The following MGAT4C variants were observed in gnomAD, a reference collection of about 807,000 sequenced individuals.
The protein encoded by MGAT4C is alpha-1,3-mannosyl-glycoprotein 4-beta-N-acetylglucosaminyltransferase C.
MGAT4C carries 19 observed loss-of-function variants against 40.1 expected under a neutral mutation model. That is an observed-to-expected ratio of 0.47 (90% confidence interval 0.33 to 0.70). The LOEUF (loss-of-function observed/expected upper bound fraction) is 0.70, where lower values mean the gene tolerates loss of function less well. Ranked by LOEUF, MGAT4C falls within the 30% of genes least tolerant of loss-of-function variation. MGAT4C has a pLI of 0.02. For synonymous variants in MGAT4C, 181 were observed against 187.1 expected (o/e 0.97, Z 0.27); for missense variants, 491 against 563.2 (o/e 0.87, Z 1.30).
intron 2 of MGAT4C, among the ~76,000 whole-genome samples, chr12:86,577,897 T>G (rs1960626530): frequency 6.6e-6 from 1 of 151,790 alleles, no homozygotes; most frequent in Admixed American, 6.6e-5. Flanking sequence ...TTTTAAATAC[T>G]TCTTCATTAA....
At chr12:86,730,770 A>T (rs1392516539) in intron 1 of MGAT4C, among the ~76,000 whole-genome samples, 1 of 152,252 alleles carries the variant, frequency 6.6e-6, no homozygotes, top group East Asian at 1.9e-4. Context: ...CTAAGTAAAT[A>T]TAAGACAATT....
chr12:86,537,245 T>C (rs1422788764), intron 2 of MGAT4C, among the ~76,000 whole-genome samples: 1 of 151,834 alleles, frequency 6.6e-6, no homozygotes, highest in African/African-American at 2.4e-5. Flanking sequence ...AGGGGAGGGA[T>C]AGCATTAGGA....
At position 85,956,551 on chromosome 12, in the gene MGAT4C, G is replaced by C. The variant is rs952905056; in HGVS notation, c.*22738C>G. ...TGGGAACATTTACAGATCATTTTTT[G>C]GATTACATTTAGTCTTTAGAAAATA... On this transcript the variant is annotated 3_prime_UTR_variant, in exon 5 of 5. Coordinates refer to ENST00000611864, the MANE Select transcript of MGAT4C (RefSeq NM_001351288.2). 2.0e-5 allele frequency: 3 copies of C among 152,064 alleles called. No individual in the cohort carries two copies. The highest frequency in any genetic ancestry group is 7.2e-5 in the African/African-American group (3 of 41,410). 9.4% of individuals were successfully genotyped at this position (152,064 alleles called of 1,614,324 possible). A position where few individuals can be genotyped will look rare whatever the true frequency, so the allele number is the denominator to read the frequency against.
At chr12:86,078,167 T>A (rs1870140254) in intron 1 of MGAT4C, among the ~76,000 whole-genome samples, 1 of 152,126 alleles carries the variant, frequency 6.6e-6, no homozygotes, top group African/African-American at 2.4e-5. Context: ...ATATTATATA[T>A]TGGATGCTGA....
At chr12:86,168,808 A>T (rs1339640295) in intron 1 of MGAT4C, among the ~76,000 whole-genome samples, 1 of 152,074 alleles carries the variant, frequency 6.6e-6, no homozygotes, top group Non-Finnish European at 1.5e-5. Context: ...GCAGTGTCTG[A>T]GGTAATATTT....
At chr12:86,728,463 G>A (rs1271914776) in intron 1 of MGAT4C, among the ~76,000 whole-genome samples, 1 of 152,222 alleles carries the variant, frequency 6.6e-6, no homozygotes, top group Non-Finnish European at 1.5e-5. Flanking sequence ...GTCTGAGGCT[G>A]GTGAATTACC....
At chr12:86,197,827 C>A (rs976784643) in intron 1 of MGAT4C, among the ~76,000 whole-genome samples, 5 of 152,090 alleles carry the variant, frequency 3.3e-5, no homozygotes, top group African/African-American at 1.2e-4. Flanking sequence ...AAGACATCTG[C>A]CTCTATCAAT....
At chr12:86,344,922 C>T (rs898858948) in intron 3 of MGAT4C, among the ~76,000 whole-genome samples, 1 of 151,924 alleles carries the variant, frequency 6.6e-6, no homozygotes, top group African/African-American at 2.4e-5. Flanking sequence ...ATTTGAACAA[C>T]TATGTACAGG....
At chr12:86,332,224 A>C (rs1954685393) in intron 4 of MGAT4C, among the ~76,000 whole-genome samples, 1 of 152,180 alleles carries the variant, frequency 6.6e-6, no homozygotes. Context: ...CATGCTAAAA[A>C]TACTTTAGAA....
chr12:86,613,313 A>G (rs1332918758), intron 2 of MGAT4C, among the ~76,000 whole-genome samples: 1 of 152,194 alleles, frequency 6.6e-6, no homozygotes, highest in Non-Finnish European at 1.5e-5. Flanking sequence ...TCAACATGTA[A>G]TTACAAGAAA....
intron 1 of MGAT4C, among the ~76,000 whole-genome samples, chr12:86,734,469 T>G (rs1379971138): frequency 6.6e-6 from 1 of 152,000 alleles, no homozygotes; most frequent in South Asian, 2.1e-4. Flanking sequence ...ATTTGTGCCC[T>G]CCTCTCAAAA....
At chr12:86,615,491 A>G (rs1442194970) in intron 2 of MGAT4C, among the ~76,000 whole-genome samples, 2 of 152,040 alleles carry the variant, frequency 1.3e-5, no homozygotes, top group Non-Finnish European at 2.9e-5. Context: ...TCAATTGCTC[A>G]TTTTCTACCA....
At chr12:86,827,772 C>T (rs1180523914) in intron 1 of MGAT4C, among the ~76,000 whole-genome samples, 1 of 151,318 alleles carries the variant, frequency 6.6e-6, no homozygotes, top group African/African-American at 2.4e-5. Context: ...TTGCTTTATA[C>T]ACAACTTGAC....
At chr12:86,770,086 A>G (rs1951603815) in intron 1 of MGAT4C, among the ~76,000 whole-genome samples, 1 of 152,148 alleles carries the variant, frequency 6.6e-6, no homozygotes. Context: ...AGATTAGTAT[A>G]TGATGTTAAT....
chr12:86,351,294 T>C (rs1955155732), intron 3 of MGAT4C, among the ~76,000 whole-genome samples: 1 of 152,024 alleles, frequency 6.6e-6, no homozygotes, highest in Admixed American at 6.6e-5. Context: ...GTACTCTTGT[T>C]ACTCACCAAT....
chr12:86,596,401 T>C (rs934349420), intron 2 of MGAT4C, among the ~76,000 whole-genome samples: 7 of 152,170 alleles, frequency 4.6e-5, no homozygotes, highest in African/African-American at 1.7e-4. Flanking sequence ...GCCCGGGGAC[T>C]ATCGTTAAAG....
At chr12:86,006,774 T>A (rs1277638442) in intron 2 of MGAT4C, among the ~76,000 whole-genome samples, 1 of 152,212 alleles carries the variant, frequency 6.6e-6, no homozygotes, top group African/African-American at 2.4e-5. Flanking sequence ...AGAAACTTAC[T>A]GGGTCATTTT....
chr12:86,442,029 T>C (rs932315181), intron 2 of MGAT4C, among the ~76,000 whole-genome samples: 7 of 152,086 alleles, frequency 4.6e-5, no homozygotes, highest in South Asian at 2.1e-4. Context: ...TTTTAATGAT[T>C]GCCATTCTAA....
In MGAT4C at chr12:86,403,318, G is replaced by A. The variant is rs1001170985; in HGVS notation, c.-120+31839C>T. Among the ~76,000 whole-genome samples, 14 of 152,266 alleles carry A rather than the reference G, an allele frequency of 9.2e-5. No individual in the cohort carries two copies. The East Asian group carries it at 1.5e-3, about 17-fold the overall frequency. ...AGACAATGGTCTGTAACCATGTAAC[G>A]CTGATGGAAGTCTCTGGAACCATTC... is the stretch of plus-strand genomic sequence containing the variant. On this transcript the variant is annotated intron_variant, in intron 3 of 7. Coordinates refer to the MGAT4C transcript ENST00000548651.
Sources: allele counts gnomAD v4.1 joint callset (sites outside exome capture counted in the v4.1 genomes callset), GRCh38; gene constraint gnomAD v4.1.1; transcripts MANE v1.5; gene names NCBI Gene and HGNC (gene_info 2026-07-23, HGNC 2026-07-21).